The following ZNF462 variants were observed in gnomAD, a reference collection of about 807,000 sequenced individuals.
The protein encoded by ZNF462 is zinc finger PBX1-interacting protein.
ZNF462 carries 10 observed loss-of-function variants against 201.9 expected under a neutral mutation model. That is an observed-to-expected ratio of 0.05 (90% CI 0.03 to 0.08). The LOEUF (loss-of-function observed/expected upper bound fraction) is 0.08. ZNF462 is among the 10% of genes least tolerant of loss of function. The pLI, the probability that ZNF462 is intolerant of heterozygous loss-of-function variation, is 1.00. For missense variants in ZNF462, 2,523 were observed against 3,168.3 expected (o/e 0.80, Z 4.89); for synonymous variants, 1,227 against 1,193.3 (o/e 1.03, Z -0.58).
rs973376303 is a variant in ZNF462 at position 107,005,016 on chromosome 9, G to A, written c.7189+1590G>A. Reference sequence around the variant, plus strand: ...TTTCACTTAATGTAATGTTCTACAAGTTTATCTATGTTGTCACAAATGACA... The same window carrying A: ...TTTCACTTAATGTAATGTTCTACAAATTTATCTATGTTGTCACAAATGACA... On this transcript the variant is annotated intron_variant, in intron 11 of 12. Transcript: ENST00000277225. The surrounding 1 kb of genome is among the most constrained non-coding windows in gnomAD (Gnocchi z 4.4). Among the ~76,000 whole-genome samples the A allele has an allele frequency of 2.0e-5, 3 of 151,978 alleles. No homozygotes were observed. Among genetic ancestry groups the A allele is most frequent in the African/African-American group, 7.3e-5 (3 of 41,362 alleles).
chr9:106,942,764 G>C (rs944000600), intron 7 of ZNF462, among the ~76,000 whole-genome samples: 4 of 152,272 alleles, frequency 2.6e-5, no homozygotes, highest in Admixed American at 2.0e-4. Flanking sequence ...TTAGCTATGA[G>C]ATTTGTTTTA....
rs542662170 is a variant in ZNF462, at chr9:107,010,224, C to T, written c.7313+556C>T. On this transcript the variant is annotated intron_variant, in intron 12 of 12. Transcript: ENST00000277225. This position sits in a 1 kb window ranked among gnomAD's most constrained non-coding sequence, Gnocchi z 4.6. Reference sequence around the variant, plus strand: ...GAGAGAACCTAGGATGTGGTCTTTTCAGGAGGAAACATGGCTTGTGTGGTG... The same window carrying T: ...GAGAGAACCTAGGATGTGGTCTTTTTAGGAGGAAACATGGCTTGTGTGGTG... Among the ~76,000 whole-genome samples, 1 of 152,258 alleles carries T rather than the reference C, an allele frequency of 6.6e-6. No individual in the cohort carries two copies. Among genetic ancestry groups the T allele is most frequent in the East Asian group, 1.9e-4 (1 of 5,172 alleles).
In ZNF462 at chr9:106,972,331, A is replaced by T; in HGVS notation, c.6695+59A>T. ...GGCGGCCGCCCCTGCTCCACCCCTC[A>T]CTGCAGGCTTCCCTTACACTTTCCT... On this transcript the variant is annotated intron_variant, in intron 8 of 12. Transcript: ENST00000277225. This position sits in a 1 kb window ranked among gnomAD's most constrained non-coding sequence, Gnocchi z 4.8. The T allele has an allele frequency of 6.4e-7, 1 of 1,564,002 alleles. No homozygotes were observed. Among genetic ancestry groups the T allele is most frequent in the Admixed American group, 1.8e-5 (1 of 55,066 alleles).
At chr9:106,873,267 C>T (rs559170925) in intron 1 of ZNF462, among the ~76,000 whole-genome samples, 3 of 151,944 alleles carry the variant, frequency 2.0e-5, no homozygotes, top group African/African-American at 7.3e-5. Flanking sequence ...AACTTAAGAG[C>T]GCCCTTTTCT....
intron 9 of ZNF462, among the ~76,000 whole-genome samples, chr9:106,983,909 A>G (rs1827631378): frequency 6.6e-6 from 1 of 152,194 alleles, no homozygotes; most frequent in African/African-American, 2.4e-5. Context: ...CCATTCAGGA[A>G]TTAGCAAGCA....
intron 1 of ZNF462, among the ~76,000 whole-genome samples, chr9:106,882,219 C>T (rs1294912060): frequency 6.6e-6 from 1 of 152,208 alleles, no homozygotes; most frequent in Non-Finnish European, 1.5e-5. Flanking sequence ...CTAGAAGCTA[C>T]AGAAAGGCAG....
intron 1 of ZNF462, among the ~76,000 whole-genome samples, chr9:106,863,794 G>A (rs1000448244): frequency 1.3e-5 from 2 of 151,640 alleles, no homozygotes; most frequent in Non-Finnish European, 2.9e-5. Context: ...CGGATGCTCC[G>A]AGTGTGGGGA....
At chr9:106,901,936 G>T (rs986929664) in intron 1 of ZNF462, among the ~76,000 whole-genome samples, 1 of 152,026 alleles carries the variant, frequency 6.6e-6, no homozygotes, top group African/African-American at 2.4e-5. Context: ...GATTGCTCTC[G>T]CTAGAACTTT....
At position 106,978,110 on chromosome 9, in the gene ZNF462, T is replaced by A. The variant is rs557102097; in HGVS notation, c.6832+3837T>A. 1.3e-5 allele frequency among the ~76,000 whole-genome samples: 2 copies of A among 151,510 alleles called. No homozygotes were observed. Among genetic ancestry groups the A allele is most frequent in the African/African-American group, 4.9e-5 (2 of 40,782 alleles). ...TCTTTTCTTCTTATAAGAACACTAG[T>A]CATTGGGTTTAGGGCACACCCTAAT... On this transcript the variant is annotated intron_variant, in intron 9 of 12. Coordinates refer to ENST00000277225, the MANE Select transcript of ZNF462 (RefSeq NM_021224.6). This position sits in a 1 kb window ranked among gnomAD's most constrained non-coding sequence, Gnocchi z 4.1.
At position 106,962,905 on chromosome 9, in the gene ZNF462, A is replaced by G. The variant is rs1199991214; in HGVS notation, c.6428-9100A>G. On this transcript the variant is annotated intron_variant, in intron 7 of 12. Transcript: ENST00000277225. This position sits in a 1 kb window ranked among gnomAD's most constrained non-coding sequence, Gnocchi z 4.6. ...GAGAGCTCCACTGATGACAGTAGAC[A>G]AGGAGGTGCCAGAGTCCTTGGCCTG... Among the ~76,000 whole-genome samples, 1 of 152,018 alleles carries G rather than the reference A, an allele frequency of 6.6e-6. No homozygotes were observed. Among genetic ancestry groups the G allele is most frequent in the African/African-American group, 2.4e-5 (1 of 41,414 alleles).
In ZNF462 at chr9:106,905,221, C is replaced by T. The variant is rs35025069; in HGVS notation, c.-30-18133C>T. ...TCTGGGTCTAGCTACCCAGCGAGTC[C>T]ACCCAGCAACAGGCTGGTTGGGGGT... On this transcript the variant is annotated intron_variant, in intron 1 of 12. Transcript: ENST00000277225. This position sits in a 1 kb window ranked among gnomAD's most constrained non-coding sequence, Gnocchi z 5.9. Among the ~76,000 whole-genome samples, 44,545 of 152,054 alleles carry T rather than the reference C, an allele frequency of 0.29. 9,037 individuals carry two copies. Among genetic ancestry groups the T allele is most frequent in the African/African-American group, 0.58 (23,935 of 41,444 alleles).
intron 1 of ZNF462, among the ~76,000 whole-genome samples, chr9:106,914,981 A>C (rs955155887): frequency 3.3e-5 from 5 of 152,188 alleles, no homozygotes; most frequent in African/African-American, 2.4e-5. Flanking sequence ...AAAAAATCTT[A>C]GAAAATATGA....
In ZNF462 at chr9:107,011,125, A is replaced by G. The variant is rs1312527555; in HGVS notation, c.*95A>G. ...TGAGAAGGGAGGGACAGAAAAGAGA[A>G]GACAGAACAAAGCTGCTTTTTAGGA... On this transcript the variant is annotated 3_prime_UTR_variant, in exon 13 of 13. Coordinates refer to ENST00000277225, the MANE Select transcript of ZNF462 (RefSeq NM_021224.6). This position sits in a 1 kb window ranked among gnomAD's most constrained non-coding sequence, Gnocchi z 5.6. The G allele has an allele frequency of 2.3e-6, 3 of 1,278,642 alleles. No homozygotes were observed. Among genetic ancestry groups the G allele is most frequent in the African/African-American group, 1.5e-5 (1 of 66,774 alleles). 79.2% of individuals were successfully genotyped at this position (1,278,642 alleles called of 1,614,324 possible).
intron 10 of ZNF462, among the ~76,000 whole-genome samples, chr9:106,986,986 T>C (rs1042256729): frequency 1.3e-4 from 17 of 128,310 alleles, no homozygotes; most frequent in African/African-American, 5.0e-4. Flanking sequence ...CATAGATAGA[T>C]AGATAGATAG....
chr9:106,889,963 C>T (rs1295075659), intron 1 of ZNF462, among the ~76,000 whole-genome samples: 1 of 152,152 alleles, frequency 6.6e-6, no homozygotes, highest in African/African-American at 2.4e-5. Flanking sequence ...GGGTAACTGC[C>T]TTAAGAAGCT....
chr9:106,974,024 C>T lies in ZNF462; in HGVS notation c.6696-113C>T. 1.4e-6 allele frequency: 2 copies of T among 1,401,996 alleles called. No individual in the cohort carries two copies. The highest frequency in any genetic ancestry group is 2.0e-5 in the Admixed American group (1 of 49,078). 86.8% of individuals were successfully genotyped at this position (1,401,996 alleles called of 1,614,324 possible). A position where few individuals can be genotyped will look rare whatever the true frequency, so the allele number is the denominator to read the frequency against. ...TGATGAACAGATTTTTTTTTAGCCC[C>T]ACAAGCAGGAGAGCCGCACTTGGAC... On this transcript the variant is annotated intron_variant, in intron 8 of 12. Transcript: ENST00000277225. The surrounding 1 kb of genome is among the most constrained non-coding windows in gnomAD (Gnocchi z 4.0).
intron 1 of ZNF462, among the ~76,000 whole-genome samples, chr9:106,914,219 C>T (rs550381068): frequency 6.6e-6 from 1 of 151,224 alleles, no homozygotes; most frequent in Non-Finnish European, 1.5e-5. Context: ...CAGCCAGGAC[C>T]CCATAAAGGG....
chr9:106,958,749 C>T (rs1006720577), intron 7 of ZNF462, among the ~76,000 whole-genome samples: 9 of 152,094 alleles, frequency 5.9e-5, no homozygotes, highest in Admixed American at 6.6e-5. Context: ...GAGAACCAGA[C>T]AGTCAACCAA....
chr9:106,974,147 A>G lies in ZNF462; in HGVS notation c.6706A>G (p.Thr2236Ala), dbSNP rs779299931. ...SFYTGFKSAF[T>A]MHVEAGHSAV... The stretch of plus-strand genomic sequence containing the variant: ...CAAACTCTCTCCTAGATCTGCTTTT[A>G]CTATGCACGTGGAAGCTGGGCACTC... Residue 2236 changes from threonine to alanine, a missense_variant, in exon 9 of 13, where the codon ACT becomes GCT. By Grantham distance (58) the Thr-to-Ala change is moderately conservative. Transcript: ENST00000277225. The surrounding 1 kb of genome is among the most constrained non-coding windows in gnomAD (Gnocchi z 4.0). The G allele has an allele frequency of 3.1e-6, 5 of 1,614,008 alleles. No homozygotes were observed. The highest frequency in any genetic ancestry group is 2.2e-5 in the East Asian group (1 of 44,882).
Sources: gnomAD v4.1 joint callset for allele counts (sites outside exome capture counted in the v4.1 genomes callset) on GRCh38, gnomAD v4.1.1 for gene constraint, Gnocchi (gnomAD v3.1) non-coding constraint, MANE v1.5 for transcripts, NCBI Gene and HGNC (gene_info 2026-07-23, HGNC 2026-07-21) for gene names.